FAM13C: variants seen among roughly 807,000 people sequenced by gnomAD.
FAM13C encodes the protein protein FAM13C.
FAM13C carries 37 observed loss-of-function variants against 73.2 expected under a neutral mutation model. That is an observed-to-expected ratio of 0.51 (90% CI 0.39 to 0.67). FAM13C has a LOEUF of 0.67. FAM13C is among the 30% of genes least tolerant of loss of function. The pLI, the probability that FAM13C is intolerant of heterozygous loss-of-function variation, is 0.00. For synonymous variants in FAM13C, 246 were observed against 260.9 expected, an observed-to-expected ratio of 0.94 and a Z score of 0.55; for missense variants, 589 against 715.6, an observed-to-expected ratio of 0.82 and a Z score of 2.02.
chr10:59,342,596 A>G (rs992403862), intron 3 of FAM13C, among the ~76,000 whole-genome samples: 48 of 152,322 alleles, frequency 3.2e-4, no homozygotes, highest in African/African-American at 1.1e-3. Flanking sequence ...TTTGGGACAT[A>G]CTTAATCTAA....
intron 3 of FAM13C, among the ~76,000 whole-genome samples, chr10:59,347,606 C>T (rs1397890643): frequency 6.6e-6 from 1 of 151,928 alleles, no homozygotes; most frequent in African/African-American, 2.4e-5. Flanking sequence ...TATACACGTG[C>T]CTTGGTGTCT....
chr10:59,348,731 C>T (rs1010363520), intron 3 of FAM13C, among the ~76,000 whole-genome samples: 2 of 152,084 alleles, frequency 1.3e-5, no homozygotes, highest in Non-Finnish European at 2.9e-5. Flanking sequence ...CTCTGCCTCC[C>T]GGGTTCAAGG....
At chr10:59,259,614 A>G (rs1242171430) in intron 10 of FAM13C, among the ~76,000 whole-genome samples, 1 of 152,148 alleles carries the variant, frequency 6.6e-6, no homozygotes, top group Non-Finnish European at 1.5e-5. Flanking sequence ...ATTTTCTATT[A>G]CAGATGCTCT....
At chr10:59,328,032 C>G (rs1322115817) in intron 3 of FAM13C, among the ~76,000 whole-genome samples, 1 of 152,192 alleles carries the variant, frequency 6.6e-6, no homozygotes, top group Non-Finnish European at 1.5e-5. Context: ...GAAAAGGCAT[C>G]CCACATCTTT....
intron 5 of FAM13C, among the ~76,000 whole-genome samples, chr10:59,294,908 A>G (rs1173912019): frequency 1.3e-5 from 2 of 152,214 alleles, no homozygotes; most frequent in Non-Finnish European, 2.9e-5. Flanking sequence ...AGAGAGGAAA[A>G]TTACCTTGGA....
At chr10:59,287,243 A>G (rs1310124923) in intron 5 of FAM13C, among the ~76,000 whole-genome samples, 1 of 145,994 alleles carries the variant, frequency 6.8e-6, no homozygotes, top group Non-Finnish European at 1.5e-5. Flanking sequence ...AGTCTGAGAC[A>G]GGACAATTGC....
In FAM13C at chr10:59,352,430, A is replaced by G. The variant is rs1223844182; in HGVS notation, c.164T>C (p.Val55Ala). 5 of 1,613,530 alleles carry G rather than the reference A, an allele frequency of 3.1e-6. No individual in the cohort carries two copies. Among genetic ancestry groups the G allele is most frequent in the Non-Finnish European group, 4.2e-6 (5 of 1,179,918 alleles). ...KENYPDAGAL[V>A]EEHAPPSWEP... ...CCAAGAGGGCGGCGCGTGCTCTTCT[A>G]CCAGAGCCCCTGCGTCGGGGTAGTT... Residue 55 changes from valine (V) to alanine (A), a missense_variant, in exon 3 of 14, where the codon GTA becomes GCA. By Grantham distance (64) the Val-to-Ala change is moderately conservative. Coordinates refer to ENST00000618804, the MANE Select transcript of FAM13C (RefSeq NM_198215.4).
chr10:59,361,743 C>T (rs894169574), intron 1 of FAM13C, among the ~76,000 whole-genome samples: 1 of 152,032 alleles, frequency 6.6e-6, no homozygotes, highest in African/African-American at 2.4e-5. Flanking sequence ...ATATAAATAT[C>T]TTTAAAAAAA....
chr10:59,283,537 C>T lies in FAM13C; in HGVS notation c.508-90G>A, dbSNP rs202174894. 25 of 1,282,752 alleles carry T rather than the reference C, an allele frequency of 1.9e-5. 1 individual carries two copies. Among genetic ancestry groups the T allele is most frequent in the Middle Eastern group, 3.7e-4 (2 of 5,464 alleles). 79.5% of individuals were successfully genotyped at this position (1,282,752 alleles called of 1,614,324 possible). ...TGCCAGCAAAAGCAGAACATGAGGC[C>T]AGCTAAGTAGATGCCTAACACACAA... is the stretch of plus-strand genomic sequence containing the variant. On this transcript the variant is annotated intron_variant, in intron 5 of 13. Transcript: ENST00000618804.
chr10:59,307,590 G>A (rs544884204), intron 4 of FAM13C, among the ~76,000 whole-genome samples: 1 of 152,190 alleles, frequency 6.6e-6, no homozygotes, highest in Non-Finnish European at 1.5e-5. Context: ...CCAAAGATGT[G>A]CTAGGTACTG....
chr10:59,347,221 A>G (rs184024624), intron 3 of FAM13C, among the ~76,000 whole-genome samples: 84 of 152,316 alleles, frequency 5.5e-4, no homozygotes, highest in African/African-American at 1.9e-3. Context: ...ATCAGTAAAT[A>G]TAACTAAATC....
intron 6 of FAM13C, among the ~76,000 whole-genome samples, chr10:59,275,587 C>T (rs548116069): frequency 9.9e-5 from 15 of 152,254 alleles, no homozygotes; most frequent in African/African-American, 3.1e-4. Flanking sequence ...TCTGTATGTT[C>T]AGTTTTTTTG....
intron 1 of FAM13C, among the ~76,000 whole-genome samples, chr10:59,357,485 T>A (rs980830078): frequency 6.6e-6 from 1 of 152,240 alleles, no homozygotes; most frequent in Non-Finnish European, 1.5e-5. Context: ...TTAACTTTGT[T>A]CCCTAAGAGG....
chr10:59,329,342 G>GTTTTTTTTTTTT (rs71006247), intron 3 of FAM13C, among the ~76,000 whole-genome samples: 2 of 77,296 alleles, frequency 2.6e-5, no homozygotes, highest in Non-Finnish European at 5.0e-5. Flanking sequence ...TTTCTTTCTG[G>GTTTTTTTTTTTT]TTTTTTTTTT....
chr10:59,257,106 A>T (rs1842019861), intron 10 of FAM13C, among the ~76,000 whole-genome samples: 1 of 152,206 alleles, frequency 6.6e-6, no homozygotes, highest in Admixed American at 6.5e-5. Flanking sequence ...ACTTTAAAAG[A>T]TGATTATTCT....
chr10:59,305,889 A>G (rs1848198126), intron 4 of FAM13C, among the ~76,000 whole-genome samples: 1 of 152,222 alleles, frequency 6.6e-6, no homozygotes, highest in African/African-American at 2.4e-5. Flanking sequence ...CCTGAACCAC[A>G]AACAGTGATT....
rs115313644 is a variant in FAM13C at position 59,265,796 on chromosome 10, G to C, written c.943-1630C>G. Among the ~76,000 whole-genome samples the C allele has an allele frequency of 2.2e-3, 334 of 152,290 alleles. 2 individuals carry two copies. Among genetic ancestry groups the C allele is most frequent in the African/African-American group, 7.1e-3 (297 of 41,556 alleles). ...TTATTTCCCTACCCTTGAAGAAGCT[G>C]TTAAAAGGGTTAAATCAAACTCACA... On this transcript the variant is annotated intron_variant, in intron 8 of 13. Transcript: ENST00000618804.
At position 59,291,918 on chromosome 10, in the gene FAM13C, AGCTGGGAC is replaced by A. The variant is rs1846291400; in HGVS notation, c.508-8479_508-8472del. Among the ~76,000 whole-genome samples, 3 of 150,524 alleles carry A rather than the reference AGCTGGGAC, an allele frequency of 2.0e-5. No individual in the cohort carries two copies. The Admixed American group carries it at 2.0e-4, about 10-fold the overall frequency. On this transcript the variant is annotated intron_variant, in intron 5 of 13. Transcript: ENST00000618804. ...ATTCTCCTGCCTCAGCCTCCTGAGT[AGCTGGGAC>A]TACAGGCGCCCACCATCACGCCTGG...
At position 59,355,810 on chromosome 10, in the gene FAM13C, A is replaced by G. The variant is rs1475140777; in HGVS notation, c.119+77T>C. The G allele has an allele frequency of 2.4e-6, 3 of 1,270,996 alleles. No individual in the cohort carries two copies. The African/African-American group carries it at 4.4e-5, about 19-fold the overall frequency. 78.7% of individuals were successfully genotyped at this position (1,270,996 alleles called of 1,614,324 possible). On this transcript the variant is annotated intron_variant, in intron 2 of 13. Transcript: ENST00000618804. ...ATAATTGGAATTCAAAGAAGAGACTAGAATTCAAAGGAAAGCCACCAGACC... is the reference window on the plus strand; with the variant it reads ...ATAATTGGAATTCAAAGAAGAGACTGGAATTCAAAGGAAAGCCACCAGACC...
Sources: allele counts gnomAD v4.1 joint callset (sites outside exome capture counted in the v4.1 genomes callset), GRCh38; gene constraint gnomAD v4.1.1; transcripts MANE v1.5; gene names NCBI Gene and HGNC (gene_info 2026-07-23, HGNC 2026-07-21).